ULK4: variants seen among roughly 807,000 people sequenced by gnomAD.
ULK4 encodes the protein inactive serine/threonine-protein kinase ULK4.
ULK4 carries 133 observed loss-of-function variants against 160.6 expected under a neutral mutation model. The observed-to-expected ratio is 0.83, with a 90% CI of 0.72 to 0.96. The LOEUF (loss-of-function observed/expected upper bound fraction) is 0.96, where lower values mean the gene tolerates loss of function less well. Ranked by LOEUF, ULK4 falls within the 40% of genes least tolerant of loss-of-function variation. The pLI, the probability that ULK4 is intolerant of heterozygous loss-of-function variation, is 0.00. For missense variants in ULK4, 1,580 were observed against 1,499.5 expected, an observed-to-expected ratio of 1.05 and a Z score of -0.89; for synonymous variants, 534 against 539.8, an observed-to-expected ratio of 0.99 and a Z score of 0.15.
intron 30 of ULK4, among the ~76,000 whole-genome samples, chr3:41,622,607 A>G (rs2033306238): frequency 6.6e-6 from 1 of 152,106 alleles, no homozygotes; most frequent in African/African-American, 2.4e-5. Context: ...CGGGGAGTGG[A>G]GGGAAAGGGG....
chr3:41,821,463 G>T (rs552260336), intron 18 of ULK4, among the ~76,000 whole-genome samples: 1 of 152,146 alleles, frequency 6.6e-6, no homozygotes, highest in Non-Finnish European at 1.5e-5. Flanking sequence ...TTCTGAGAAA[G>T]GAAAGACAAA....
chr3:41,769,470 G>T (rs1200829626), intron 21 of ULK4, among the ~76,000 whole-genome samples: 1 of 152,138 alleles, frequency 6.6e-6, no homozygotes, highest in East Asian at 1.9e-4. Flanking sequence ...ATTCAGCTTT[G>T]ATTGAAATTC....
At chr3:41,527,152 A>C (rs1304255208) in intron 32 of ULK4, among the ~76,000 whole-genome samples, 1 of 152,220 alleles carries the variant, frequency 6.6e-6, no homozygotes, top group Admixed American at 6.5e-5. Flanking sequence ...TAAGGACAGA[A>C]GAGGGTAACA....
intron 27 of ULK4, among the ~76,000 whole-genome samples, chr3:41,682,474 C>T (rs887121287): frequency 1.3e-5 from 2 of 152,088 alleles, no homozygotes; most frequent in South Asian, 2.1e-4. Flanking sequence ...AACAAAATTC[C>T]CATTGTTTGT....
intron 31 of ULK4, among the ~76,000 whole-genome samples, chr3:41,614,651 T>C (rs2032870373): frequency 6.6e-6 from 1 of 152,204 alleles, no homozygotes; most frequent in South Asian, 2.1e-4. Flanking sequence ...TTGGGAATAG[T>C]ACCCATTCCC....
At chr3:41,716,972 C>G (rs2037287716) in intron 23 of ULK4, among the ~76,000 whole-genome samples, 1 of 151,920 alleles carries the variant, frequency 6.6e-6, no homozygotes, top group South Asian at 2.1e-4. Flanking sequence ...TTTTTATTCT[C>G]ATTTATTGTG....
intron 16 of ULK4, among the ~76,000 whole-genome samples, chr3:41,891,871 C>G (rs1697980257): frequency 6.6e-6 from 1 of 152,158 alleles, no homozygotes; most frequent in South Asian, 2.1e-4. Context: ...TGCCACTGCA[C>G]TCCAGCCTGA....
At position 41,249,570 on chromosome 3, in the gene ULK4, G is replaced by A. The variant is rs2078706395; in HGVS notation, c.3683C>T (p.Thr1228Ile). ...LLLRILRRMI[T>I]SNEKHLESLK... ...GCTCTCCAAGTGCTTCTCATTGGAG[G>A]TGATCTGCAAGGGCAGGAGGAAGAA... The change falls in exon 36 of 37, where the codon ACC becomes ATC. Residue 1228 changes from threonine (T) to isoleucine (I), a missense_variant. By Grantham distance (89) the Thr-to-Ile change is moderately conservative (BLOSUM62 -1). Coordinates refer to ENST00000301831, the MANE Select transcript of ULK4 (RefSeq NM_017886.4). The A allele has an allele frequency of 1.2e-5, 20 of 1,613,774 alleles. No individual in the cohort carries two copies. Among genetic ancestry groups the A allele is most frequent in the Non-Finnish European group, 1.6e-5 (19 of 1,179,856 alleles).
intron 35 of ULK4, among the ~76,000 whole-genome samples, chr3:41,292,915 G>A (rs1643740372): frequency 6.6e-6 from 1 of 151,956 alleles, no homozygotes; most frequent in African/African-American, 2.4e-5. Flanking sequence ...CTGTACTCCA[G>A]CCTGGGCGAC....
intron 19 of ULK4, among the ~76,000 whole-genome samples, chr3:41,809,548 T>A (rs1367413898): frequency 1.3e-5 from 2 of 152,176 alleles, no homozygotes; most frequent in East Asian, 3.9e-4. Context: ...TATTTTTGAT[T>A]TTAAAAGTAA....
chr3:41,561,940 T>A (rs1046951096), intron 32 of ULK4, among the ~76,000 whole-genome samples: 4 of 152,202 alleles, frequency 2.6e-5, no homozygotes, highest in African/African-American at 9.6e-5. Flanking sequence ...CTAGTTCTTT[T>A]AATTGTGATG....
At chr3:41,701,539 T>A (rs1375809234) in intron 27 of ULK4, among the ~76,000 whole-genome samples, 1 of 152,174 alleles carries the variant, frequency 6.6e-6, no homozygotes, top group African/African-American at 2.4e-5. Context: ...AGACAGATAG[T>A]TTGCCACCAG....
chr3:41,506,783 T>TATAA (rs2085404442), intron 32 of ULK4, among the ~76,000 whole-genome samples: 2 of 27,532 alleles, frequency 7.3e-5, no homozygotes, highest in Admixed American at 4.8e-4. Flanking sequence ...TATATATATA[T>TATAA]ATATATATAT....
intron 35 of ULK4, among the ~76,000 whole-genome samples, chr3:41,336,565 AG>A (rs1473499412): frequency 6.6e-6 from 1 of 152,220 alleles, no homozygotes; most frequent in African/African-American, 2.4e-5. Context: ...TGGTACAGGC[AG>A]GCATGGGCTG....
intron 30 of ULK4, among the ~76,000 whole-genome samples, chr3:41,642,896 G>C (rs2034290351): frequency 6.6e-6 from 1 of 152,192 alleles, no homozygotes; most frequent in Non-Finnish European, 1.5e-5. Flanking sequence ...ACTGGTGTGA[G>C]ATGGTATCTC....
chr3:41,766,915 C>T (rs959585047), intron 21 of ULK4: 3 of 152,214 alleles, frequency 2.0e-5, no homozygotes, highest in Non-Finnish European at 4.4e-5. Context: ...ATTGCCCTCA[C>T]ATCCCTTAAT....
At chr3:41,305,900 TGC>T (rs1454897774) in intron 35 of ULK4, among the ~76,000 whole-genome samples, 4 of 146,650 alleles carry the variant, frequency 2.7e-5, no homozygotes, top group Non-Finnish European at 6.0e-5. Flanking sequence ...GGAGCACCTC[TGC>T]CCGGCTGCGA....
At chr3:41,757,559 G>A (rs1344954622) in intron 21 of ULK4, among the ~76,000 whole-genome samples, 1 of 149,468 alleles carries the variant, frequency 6.7e-6, no homozygotes, top group Non-Finnish European at 1.5e-5. Flanking sequence ...GTGAACCCAG[G>A]AGGCGGAGCT....
At chr3:41,871,120 C>T (rs944425988) in intron 17 of ULK4, among the ~76,000 whole-genome samples, 3 of 152,128 alleles carry the variant, frequency 2.0e-5, no homozygotes, top group African/African-American at 7.2e-5. Context: ...AATCTCTTTT[C>T]CCTATAAATT....
Sources: allele counts gnomAD v4.1 joint callset (sites outside exome capture counted in the v4.1 genomes callset), GRCh38; gene constraint gnomAD v4.1.1; transcripts MANE v1.5; gene names NCBI Gene and HGNC (gene_info 2026-07-23, HGNC 2026-07-21).